NFIA: variants seen among roughly 807,000 people sequenced by gnomAD.
NFIA encodes the protein nuclear factor I A.
NFIA carries 8 observed loss-of-function variants against 62.8 expected under a neutral mutation model. That is an observed-to-expected ratio of 0.13 (90% CI 0.07 to 0.23). The LOEUF is 0.23. Ranked by LOEUF, NFIA falls within the 10% of genes least tolerant of loss-of-function variation. The pLI is 1.00. For missense variants in NFIA, 410 were observed against 642.1 expected, an observed-to-expected ratio of 0.64 and a Z score of 3.91; for synonymous variants, 235 against 238.1, an observed-to-expected ratio of 0.99 and a Z score of 0.12.
chr1:61,406,542 T>TGGGGGGGGGGGGGGGG lies in NFIA; in HGVS notation c.1255-19_1255-18insGGGGGGGGGGGGGGGG. On this transcript the variant is annotated intron_variant, in intron 8 of 10. Transcript: ENST00000403491. ...TTCTTTTTCTTGTACGTGTGTTTTC[T>TGGGGGGGGGGGGGGGG]GCCCCCCCCCCCCCCACAGCCCAAT... 43 of 1,253,776 alleles carry TGGGGGGGGGGGGGGGG rather than the reference T, an allele frequency of 3.4e-5. No individual in the cohort carries two copies. The highest frequency in any genetic ancestry group is 9.2e-5 in the East Asian group (3 of 32,720). The allele number at this position is 1,253,776 out of a possible 1,614,324, so 77.7% of individuals were successfully genotyped here. A position where few individuals can be genotyped will look rare whatever the true frequency, so the allele number is the denominator to read the frequency against.
chr1:61,349,801 C>T (rs1662453147), intron 4 of NFIA, among the ~76,000 whole-genome samples: 1 of 151,966 alleles, frequency 6.6e-6, no homozygotes. Context: ...CTATGTTGCT[C>T]AGGCTGGTCT....
chr1:61,398,146 G>A (rs576781289), intron 7 of NFIA, among the ~76,000 whole-genome samples: 278 of 152,276 alleles, frequency 1.8e-3, no homozygotes, highest in Middle Eastern at 6.8e-3. Flanking sequence ...GAACACAGCC[G>A]CGCTCATTTG....
chr1:61,200,043 T>C (rs1412568057), intron 2 of NFIA, among the ~76,000 whole-genome samples: 6 of 51,132 alleles, frequency 1.2e-4, no homozygotes, highest in Non-Finnish European at 1.6e-4. Context: ...TATATATATA[T>C]ATATATATAT....
intron 2 of NFIA, among the ~76,000 whole-genome samples, chr1:61,274,018 A>C (rs1334396880): frequency 6.6e-6 from 1 of 152,214 alleles, no homozygotes; most frequent in Non-Finnish European, 1.5e-5. Flanking sequence ...ATATGTGTAC[A>C]TGTAGCAAAT....
rs573710633 is a variant in NFIA, at chr1:61,173,513, G to A, written c.559+84833G>A. Among the ~76,000 whole-genome samples the A allele has an allele frequency of 2.8e-4, 43 of 152,080 alleles. 1 individual carries two copies. Among genetic ancestry groups the A allele is most frequent in the African/African-American group, 8.4e-4 (35 of 41,476 alleles). Reference sequence around the variant, plus strand: ...AGTGATTCTCCTGCCTCAGCCTCCCGAGTAGCTGGGATTACAGACATTGCA... The same window carrying A: ...AGTGATTCTCCTGCCTCAGCCTCCCAAGTAGCTGGGATTACAGACATTGCA... On this transcript the variant is annotated intron_variant, in intron 2 of 10. Transcript: ENST00000403491.
intron 2 of NFIA, among the ~76,000 whole-genome samples, chr1:61,210,580 C>T (rs1193666465): frequency 6.6e-6 from 1 of 152,144 alleles, no homozygotes; most frequent in Non-Finnish European, 1.5e-5. Flanking sequence ...TAAATGCTTT[C>T]TGGGATGGCC....
intron 10 of NFIA, among the ~76,000 whole-genome samples, chr1:61,447,202 T>G (rs558625928): frequency 6.6e-6 from 1 of 152,352 alleles, no homozygotes; most frequent in Admixed American, 6.5e-5. Context: ...AGGGCTAGGC[T>G]GCTTCTTCAT....
At chr1:61,167,055 G>C (rs759883931) in intron 2 of NFIA, among the ~76,000 whole-genome samples, 54 of 152,222 alleles carry the variant, frequency 3.5e-4, no homozygotes, top group Non-Finnish European at 5.7e-4. Context: ...GCAGGGGAAT[G>C]GCATGAACCC....
chr1:61,192,525 C>A (rs1183886840), intron 2 of NFIA, among the ~76,000 whole-genome samples: 2 of 146,100 alleles, frequency 1.4e-5, no homozygotes, highest in Admixed American at 1.4e-4. Flanking sequence ...CATGGTGAAA[C>A]CCCATGACTA....
intron 9 of NFIA, among the ~76,000 whole-genome samples, chr1:61,417,265 T>TTGTGTGTGTGTGTG (rs5774557): frequency 2.2e-5 from 3 of 139,192 alleles, no homozygotes; most frequent in East Asian, 4.2e-4. Context: ...TTCCTCATCT[T>TTGTGTGTGTGTGTG]TGTGTGTGTG....
intron 8 of NFIA, among the ~76,000 whole-genome samples, chr1:61,404,844 A>G (rs1026543119): frequency 1.3e-5 from 2 of 152,216 alleles, no homozygotes; most frequent in South Asian, 2.1e-4. Context: ...ATAAAGCTAA[A>G]CAGTGTTCAA....
At chr1:61,384,380 G>C (rs1469764024) in intron 7 of NFIA, among the ~76,000 whole-genome samples, 3 of 152,138 alleles carry the variant, frequency 2.0e-5, no homozygotes, top group Non-Finnish European at 2.9e-5. Context: ...GCACACATGG[G>C]AGTCATATTG....
At chr1:61,197,334 G>A (rs191765674) in intron 2 of NFIA, among the ~76,000 whole-genome samples, 424 of 150,544 alleles carry the variant, frequency 2.8e-3, no homozygotes, top group Non-Finnish European at 5.0e-3. Flanking sequence ...TGCCTCCTGG[G>A]TTCAAGCGAT....
intron 4 of NFIA, among the ~76,000 whole-genome samples, chr1:61,351,243 A>T (rs1570622855): frequency 6.6e-6 from 1 of 152,206 alleles, no homozygotes; most frequent in African/African-American, 2.4e-5. Flanking sequence ...ACTTTTAAAA[A>T]ATTAATCTGT....
intron 2 of NFIA, among the ~76,000 whole-genome samples, chr1:61,190,202 C>T (rs1315257079): frequency 6.6e-6 from 1 of 152,144 alleles, no homozygotes; most frequent in Non-Finnish European, 1.5e-5. Flanking sequence ...TGGCACCAGG[C>T]AGGTGACACT....
At chr1:61,140,308 G>A (rs1435005233) in intron 2 of NFIA, among the ~76,000 whole-genome samples, 1 of 118,892 alleles carries the variant, frequency 8.4e-6, no homozygotes, top group African/African-American at 3.3e-5. Context: ...AACCGAAATT[G>A]TTTACTGCCT....
intron 7 of NFIA, among the ~76,000 whole-genome samples, chr1:61,401,004 T>G (rs1204448375): frequency 7.1e-6 from 1 of 141,676 alleles, no homozygotes. Context: ...GCAGGTTATC[T>G]AGAGAAATAG....
chr1:61,213,645 A>G (rs904323323), intron 2 of NFIA, among the ~76,000 whole-genome samples: 1 of 152,176 alleles, frequency 6.6e-6, no homozygotes, highest in African/African-American at 2.4e-5. Flanking sequence ...TATGCAGAGT[A>G]TTTATGATTG....
chr1:61,277,033 G>A (rs191117790), intron 2 of NFIA, among the ~76,000 whole-genome samples: 8 of 152,326 alleles, frequency 5.3e-5, no homozygotes, highest in Admixed American at 2.0e-4. Context: ...GTTAGTCTGC[G>A]TAGTCTGTTG....
Sources: allele counts gnomAD v4.1 joint callset (sites outside exome capture counted in the v4.1 genomes callset), GRCh38; gene constraint gnomAD v4.1.1; transcripts MANE v1.5; gene names NCBI Gene and HGNC (gene_info 2026-07-23, HGNC 2026-07-21).